Variants in PPP3CA observed in about 807,000 individuals in gnomAD.
PPP3CA encodes protein phosphatase 3 catalytic subunit alpha.
PPP3CA carries 14 observed loss-of-function variants against 66.5 expected under a neutral mutation model. The ratio of observed to expected loss-of-function variants is 0.21; its 90% confidence interval spans 0.14 to 0.33. The LOEUF is 0.33. Ranked by LOEUF, PPP3CA falls within the 10% of genes least tolerant of loss-of-function variation. The pLI, the probability that PPP3CA is intolerant of heterozygous loss-of-function variation, is 1.00. For synonymous variants in PPP3CA, 232 were observed against 226.2 expected (o/e 1.03, Z -0.23); for missense variants, 317 against 639.5 (o/e 0.50, Z 5.44).
At chr4:101,268,746 C>G (rs1727244455) in intron 1 of PPP3CA, among the ~76,000 whole-genome samples, 1 of 152,094 alleles carries the variant, frequency 6.6e-6, no homozygotes, top group East Asian at 1.9e-4. Flanking sequence ...AGTAACATAT[C>G]TGAACCAAAT....
chr4:101,339,483 C>T (rs866520183), intron 1 of PPP3CA, among the ~76,000 whole-genome samples: 11 of 152,216 alleles, frequency 7.2e-5, no homozygotes, highest in East Asian at 1.9e-4. Context: ...TTCAAGTGAC[C>T]GAACAGAACA....
At chr4:101,118,273 G>C (rs971283357) in intron 2 of PPP3CA, among the ~76,000 whole-genome samples, 1 of 151,972 alleles carries the variant, frequency 6.6e-6, no homozygotes, top group East Asian at 1.9e-4. Flanking sequence ...AGACTGCTTG[G>C]TTCCAAAGCC....
chr4:101,114,706 T>C (rs1207193792), intron 2 of PPP3CA, among the ~76,000 whole-genome samples: 1 of 152,116 alleles, frequency 6.6e-6, no homozygotes, highest in Non-Finnish European at 1.5e-5. Flanking sequence ...TTAATATTGC[T>C]TCCTTCCCTC....
At chr4:101,326,812 T>C (rs1485727030) in intron 1 of PPP3CA, among the ~76,000 whole-genome samples, 1 of 152,174 alleles carries the variant, frequency 6.6e-6, no homozygotes, top group African/African-American at 2.4e-5. Context: ...TTTACAAACA[T>C]CTCTGAACAA....
chr4:101,333,100 T>A (rs1729441846), intron 1 of PPP3CA, among the ~76,000 whole-genome samples: 1 of 109,162 alleles, frequency 9.2e-6, no homozygotes, highest in South Asian at 3.4e-4. Flanking sequence ...TGCCATCTTC[T>A]TTCTTTTTTT....
At chr4:101,199,538 A>G (rs1014702785) in intron 1 of PPP3CA, among the ~76,000 whole-genome samples, 3 of 152,214 alleles carry the variant, frequency 2.0e-5, no homozygotes, top group African/African-American at 7.2e-5. Flanking sequence ...AAATAGATAG[A>G]AACCTTCTCA....
At chr4:101,197,866 C>A (rs1341412933) in intron 1 of PPP3CA, among the ~76,000 whole-genome samples, 3 of 152,220 alleles carry the variant, frequency 2.0e-5, no homozygotes, top group East Asian at 3.9e-4. Context: ...TAAACCCCAG[C>A]AGTCTGATGC....
At chr4:101,260,946 T>C (rs527910922) in intron 1 of PPP3CA, among the ~76,000 whole-genome samples, 1 of 152,168 alleles carries the variant, frequency 6.6e-6, no homozygotes, top group East Asian at 1.9e-4. Context: ...AAAGAAAGGA[T>C]ACAAAAGAAA....
At chr4:101,224,179 T>TAATAATAATAATGAAA (rs1725710651) in intron 1 of PPP3CA, among the ~76,000 whole-genome samples, 1 of 151,800 alleles carries the variant, frequency 6.6e-6, no homozygotes, top group Non-Finnish European at 1.5e-5. Context: ...ATAATTACAC[T>TAATAATAATAATGAAA]GGGACAGCAG....
intron 1 of PPP3CA, among the ~76,000 whole-genome samples, chr4:101,249,517 A>G (rs1726604606): frequency 6.6e-6 from 1 of 152,132 alleles, no homozygotes; most frequent in African/African-American, 2.4e-5. Flanking sequence ...CTTCCTTGAA[A>G]TACCAAAGTT....
intron 1 of PPP3CA, among the ~76,000 whole-genome samples, chr4:101,212,801 G>C (rs1355683659): frequency 6.6e-6 from 1 of 151,898 alleles, no homozygotes; most frequent in African/African-American, 2.4e-5. Context: ...GTATACGGCA[G>C]TATTTCCCAA....
At chr4:101,277,816 G>A (rs1368609682) in intron 1 of PPP3CA, among the ~76,000 whole-genome samples, 1 of 152,108 alleles carries the variant, frequency 6.6e-6, no homozygotes, top group Non-Finnish European at 1.5e-5. Flanking sequence ...CTTGTCAGTG[G>A]TCTAAGAGTG....
chr4:101,066,785 C>T (rs1206227801), intron 8 of PPP3CA, among the ~76,000 whole-genome samples: 2 of 152,136 alleles, frequency 1.3e-5, no homozygotes, highest in Admixed American at 6.6e-5. Context: ...TGCCACCTGC[C>T]TCCGACTGTC....
intron 1 of PPP3CA, among the ~76,000 whole-genome samples, chr4:101,229,554 T>A (rs1309667189): frequency 6.6e-6 from 1 of 151,702 alleles, no homozygotes; most frequent in Non-Finnish European, 1.5e-5. Flanking sequence ...TTGATCTATT[T>A]ATTCTTTGCA....
intron 1 of PPP3CA, among the ~76,000 whole-genome samples, chr4:101,227,619 A>T (rs1448261366): frequency 2.0e-5 from 3 of 151,552 alleles, no homozygotes; most frequent in Non-Finnish European, 4.4e-5. Context: ...TTTGTTATAC[A>T]GATAAATTCA....
intron 1 of PPP3CA, among the ~76,000 whole-genome samples, chr4:101,222,209 G>C (rs979751680): frequency 3.3e-5 from 5 of 151,578 alleles, no homozygotes; most frequent in Admixed American, 2.6e-4. Context: ...GAAGTTAACA[G>C]TTTTGCCCTT....
intron 1 of PPP3CA, among the ~76,000 whole-genome samples, chr4:101,221,211 T>A (rs970114367): frequency 3.3e-5 from 5 of 151,556 alleles, no homozygotes; most frequent in African/African-American, 1.2e-4. Flanking sequence ...TTAAATTTTG[T>A]GATAGAAAGA....
chr4:101,065,497 T>C (rs1193043815), intron 8 of PPP3CA, among the ~76,000 whole-genome samples: 1 of 152,112 alleles, frequency 6.6e-6, no homozygotes, highest in South Asian at 2.1e-4. Context: ...ACAGGCTTTA[T>C]ATAATAATCC....
intron 2 of PPP3CA, among the ~76,000 whole-genome samples, chr4:101,121,396 TA>T (rs1224463026): frequency 6.6e-6 from 1 of 152,096 alleles, no homozygotes; most frequent in East Asian, 1.9e-4. Context: ...TTAATGTATT[TA>T]AACAAAAATT....
Sources: allele counts gnomAD v4.1 joint callset (sites outside exome capture counted in the v4.1 genomes callset), GRCh38; gene constraint gnomAD v4.1.1; transcripts MANE v1.5; gene names NCBI Gene and HGNC (gene_info 2026-07-23, HGNC 2026-07-21).